The following DMRTC1B variants were observed in gnomAD, a reference collection of about 807,000 sequenced individuals.
The protein encoded by DMRTC1B is DMRT like family C1B.
rs1364268856 is a variant in DMRTC1B at position 72,807,597 on chromosome X, A to C, written c.-95+30349A>C. The C allele has an allele frequency of 3.5e-5, 32 of 927,398 alleles. 3 individuals are homozygous for C. The Middle Eastern group carries it at 1.1e-3, about 31-fold the overall frequency. 76.4% of individuals were successfully genotyped at this position (927,398 alleles called of 1,213,427 possible). On this transcript the variant is annotated intron_variant, in intron 1 of 6. Transcript: ENST00000334036. ...TCCCCTAGGGAGGAAAGCGAGTGAC[A>C]AGTGGACCCTCGGGAGCCCTGGGGA... is the stretch of plus-strand genomic sequence containing the variant.
chrX:72,806,604 TTC>T (rs201431915), intron 1 of DMRTC1B, among the ~76,000 whole-genome samples: 3 of 23,518 alleles, frequency 1.3e-4, no homozygotes, highest in African/African-American at 2.3e-4. Flanking sequence ...TTTTTTTTTT[TTC>T]CTCCCCTGGC....
chrX:72,792,752 T>TG (rs2054620347), intron 1 of DMRTC1B, among the ~76,000 whole-genome samples: 1 of 77,935 alleles, frequency 1.3e-5, no homozygotes, highest in Non-Finnish European at 2.5e-5. Context: ...GCTCACCAGG[T>TG]CCTCAAGAGT....
chrX:72,790,600 T>C (rs1252847344), intron 1 of DMRTC1B, among the ~76,000 whole-genome samples: 1 of 114,823 alleles, frequency 8.7e-6, no homozygotes, highest in Non-Finnish European at 1.9e-5. Flanking sequence ...TCAACCACCT[T>C]GACGGAGCAA....
chrX:72,817,876 A>ATG (rs528034350), intron 1 of DMRTC1B, among the ~76,000 whole-genome samples: 3,525 of 14,966 alleles, frequency 0.24, 730 homozygotes, highest in African/African-American at 0.31. Flanking sequence ...GCGTGTGTGT[A>ATG]TGTGTGTGTG....
chrX:72,820,531 T>TTG (rs1556348284), intron 1 of DMRTC1B, among the ~76,000 whole-genome samples: 5 of 103,610 alleles, frequency 4.8e-5, no homozygotes, highest in Non-Finnish European at 8.4e-5. Flanking sequence ...TTTTTTTTTT[T>TTG]TTTTTTGAGA....
At chrX:72,807,297 A>G in intron 1 of DMRTC1B, 1 of 331,505 alleles carries the variant, frequency 3.0e-6, no homozygotes. Context: ...CTCGAGGAGG[A>G]GGGCAGACAG....
At chrX:72,814,940 A>T (rs375636261) in intron 1 of DMRTC1B, among the ~76,000 whole-genome samples, 6,923 of 8,672 alleles carry the variant, frequency 0.8, 2,670 homozygotes, top group African/African-American at 0.84. Context: ...TTCTGCTCTA[A>T]TTTTTTATTA....
At chrX:72,820,771 G>A (rs1257476614) in intron 1 of DMRTC1B, among the ~76,000 whole-genome samples, 1 of 73,784 alleles carries the variant, frequency 1.4e-5, no homozygotes, top group Non-Finnish European at 2.6e-5. Flanking sequence ...ACCCGCCTCG[G>A]CCTCCCAACC....
rs2147880951 is a variant in DMRTC1B, at chrX:72,848,547, A to T, written c.*172A>T. The T allele has an allele frequency of 8.6e-5, 1 of 11,639 alleles. No homozygotes were observed. The highest frequency in any genetic ancestry group is 1.5e-4 in the East Asian group (1 of 6,868). 1.0% of individuals were successfully genotyped at this position (11,639 alleles called of 1,213,427 possible). A position where few individuals can be genotyped will look rare whatever the true frequency, so the allele number is the denominator to read the frequency against. On this transcript the variant is annotated 3_prime_UTR_variant, in exon 7 of 7. Coordinates refer to ENST00000334036, the MANE Select transcript of DMRTC1B (RefSeq NM_001386972.1). ...CTTGGCTGAGGGTGGATATTCTTGT[A>T]CCTCTGTCCCTTACTCTTTTGGATG...
At chrX:72,839,440 C>T (rs1235950625) in intron 1 of DMRTC1B, among the ~76,000 whole-genome samples, 1 of 113,507 alleles carries the variant, frequency 8.8e-6, no homozygotes, top group Non-Finnish European at 1.9e-5. Flanking sequence ...AAAAAAATTA[C>T]TGAGAGATAA....
intron 1 of DMRTC1B, among the ~76,000 whole-genome samples, chrX:72,817,950 A>G (rs868923354): frequency 0.058 from 868 of 14,934 alleles, 111 homozygotes; most frequent in African/African-American, 0.081. Context: ...GAAAACACTC[A>G]TAGAATGAGT....
intron 1 of DMRTC1B, among the ~76,000 whole-genome samples, chrX:72,820,447 T>G (rs1337974672): frequency 9.3e-6 from 1 of 107,995 alleles, no homozygotes; most frequent in Admixed American, 9.7e-5. Flanking sequence ...TTCGATTTGC[T>G]TAGGTTTAGT....
chrX:72,832,725 AG>A (rs1331747684), intron 1 of DMRTC1B, among the ~76,000 whole-genome samples: 5 of 98,393 alleles, frequency 5.1e-5, no homozygotes, highest in African/African-American at 1.9e-4. Context: ...CTATAAGGCC[AG>A]CATTACCCTG....
intron 1 of DMRTC1B, chrX:72,807,635 C>A (rs1416192109): frequency 9.7e-5 from 76 of 783,061 alleles, no homozygotes; most frequent in Non-Finnish European, 1.3e-4. Flanking sequence ...TCTGACTTGG[C>A]CTGAGGTTCT....
chrX:72,790,612 T>G (rs1556345824), intron 1 of DMRTC1B, among the ~76,000 whole-genome samples: 1 of 114,591 alleles, frequency 8.7e-6, no homozygotes, highest in East Asian at 2.7e-4. Flanking sequence ...ACGGAGCAAA[T>G]GGTTGATGGG....
At chrX:72,820,770 G>A (rs2054693567) in intron 1 of DMRTC1B, among the ~76,000 whole-genome samples, 2 of 73,272 alleles carry the variant, frequency 2.7e-5, no homozygotes, top group African/African-American at 1.0e-4. Flanking sequence ...CACCCGCCTC[G>A]GCCTCCCAAC....
chrX:72,820,605 C>CCT (rs2054691795), intron 1 of DMRTC1B, among the ~76,000 whole-genome samples: 3 of 99,938 alleles, frequency 3.0e-5, no homozygotes, highest in Non-Finnish European at 6.1e-5. Context: ...GCAGGCTCCG[C>CCT]CCCCTGGGGT....
At chrX:72,839,597 C>CA (rs2054719446) in intron 1 of DMRTC1B, among the ~76,000 whole-genome samples, 1 of 98,016 alleles carries the variant, frequency 1.0e-5, no homozygotes, top group Non-Finnish European at 2.0e-5. Flanking sequence ...AAATAAGATA[C>CA]ATTAAGATAT....
chrX:72,839,380 G>A (rs1171934994), intron 1 of DMRTC1B, among the ~76,000 whole-genome samples: 1 of 112,714 alleles, frequency 8.9e-6, no homozygotes, highest in Non-Finnish European at 1.9e-5. Context: ...GGAGGTGCAT[G>A]CTGAAGTAAC....
Sources: allele counts gnomAD v4.1 joint callset (sites outside exome capture counted in the v4.1 genomes callset), GRCh38; gene constraint gnomAD v4.1.1; transcripts MANE v1.5; gene names NCBI Gene and HGNC (gene_info 2026-07-23, HGNC 2026-07-21).